Variants in LSAMP observed in about 807,000 individuals in gnomAD.
LSAMP encodes the protein limbic system-associated membrane protein.
LSAMP carries 7 observed loss-of-function variants against 38.6 expected under a neutral mutation model. The observed-to-expected ratio is 0.18, with a 90% confidence interval of 0.10 to 0.34. The LOEUF (loss-of-function observed/expected upper bound fraction) is 0.34, where lower values mean the gene tolerates loss of function less well. LSAMP is among the 10% of genes least tolerant of loss of function. The probability of loss-of-function intolerance (pLI) is 1.00; values close to 1 mark genes in which losing one functional copy is unlikely to be tolerated. For missense variants in LSAMP, 313 were observed against 420.0 expected (o/e 0.75, Z 2.23); for synonymous variants, 154 against 166.8 (o/e 0.92, Z 0.59).
At chr3:116,147,963 T>C (rs982976106) in intron 1 of LSAMP, among the ~76,000 whole-genome samples, 1 of 151,938 alleles carries the variant, frequency 6.6e-6, no homozygotes. Flanking sequence ...AAAACTAATA[T>C]ATACAATTTT....
intron 2 of LSAMP, among the ~76,000 whole-genome samples, chr3:116,046,170 T>C (rs1941284062): frequency 6.6e-6 from 1 of 152,188 alleles, no homozygotes; most frequent in Non-Finnish European, 1.5e-5. Context: ...AGAATTTAAA[T>C]ACACACCAAA....
At chr3:115,900,373 G>A (rs1221627017) in intron 3 of LSAMP, among the ~76,000 whole-genome samples, 2 of 151,952 alleles carry the variant, frequency 1.3e-5, no homozygotes, top group East Asian at 1.9e-4. Flanking sequence ...ATATTAGCTG[G>A]GTGTGGTGGC....
chr3:115,985,157 G>C (rs149177032), intron 3 of LSAMP, among the ~76,000 whole-genome samples: 1 of 152,170 alleles, frequency 6.6e-6, no homozygotes, highest in Non-Finnish European at 1.5e-5. Flanking sequence ...TTGCAAGAAA[G>C]CCTGGAAATA....
intron 1 of LSAMP, among the ~76,000 whole-genome samples, chr3:116,239,249 T>C (rs749428786): frequency 6.6e-6 from 1 of 152,162 alleles, no homozygotes; most frequent in African/African-American, 2.4e-5. Context: ...TGCTGCTGAA[T>C]GGTCAAGTAG....
intron 3 of LSAMP, among the ~76,000 whole-genome samples, chr3:115,999,933 C>T (rs751855760): frequency 2.0e-5 from 3 of 152,132 alleles, no homozygotes; most frequent in Admixed American, 6.6e-5. Flanking sequence ...GAACATGTGG[C>T]GTTCCCCAGT....
At chr3:116,115,233 G>GT (rs1708715005) in intron 1 of LSAMP, among the ~76,000 whole-genome samples, 1 of 152,232 alleles carries the variant, frequency 6.6e-6, no homozygotes, top group African/African-American at 2.4e-5. Context: ...ATAATAAAGG[G>GT]TAAAGGCCAG....
At chr3:115,906,137 G>A (rs903217655) in intron 3 of LSAMP, among the ~76,000 whole-genome samples, 2 of 152,176 alleles carry the variant, frequency 1.3e-5, no homozygotes, top group Non-Finnish European at 2.9e-5. Context: ...TTACCAGCCC[G>A]AGGAATTTCA....
intron 3 of LSAMP, among the ~76,000 whole-genome samples, chr3:115,853,242 CA>C (rs1409770178): frequency 1.3e-5 from 2 of 152,174 alleles, no homozygotes; most frequent in African/African-American, 4.8e-5. Context: ...ATTCTGTTCA[CA>C]AGGATTGTAT....
At chr3:116,333,204 T>C (rs1481775961) in intron 1 of LSAMP, among the ~76,000 whole-genome samples, 2 of 152,094 alleles carry the variant, frequency 1.3e-5, no homozygotes, top group African/African-American at 4.8e-5. Context: ...GGGATATTTT[T>C]AATGATTGAC....
At chr3:116,005,946 G>C (rs1042082660) in intron 3 of LSAMP, among the ~76,000 whole-genome samples, 3 of 152,072 alleles carry the variant, frequency 2.0e-5, no homozygotes, top group African/African-American at 7.2e-5. Flanking sequence ...GTTTAAGAGA[G>C]GATTTACCTC....
intron 1 of LSAMP, among the ~76,000 whole-genome samples, chr3:116,239,402 T>TA (rs77537110): frequency 5.3e-5 from 8 of 151,158 alleles, no homozygotes; most frequent in East Asian, 1.9e-4. Flanking sequence ...AACATATGTT[T>TA]AAAAAAAAAG....
chr3:116,328,628 C>T (rs1489280696), intron 1 of LSAMP, among the ~76,000 whole-genome samples: 2 of 151,960 alleles, frequency 1.3e-5, no homozygotes, highest in Admixed American at 6.6e-5. Flanking sequence ...AGTGGTTAGA[C>T]GCTAATGAGA....
chr3:115,849,530 T>A (rs968556912), intron 4 of LSAMP, among the ~76,000 whole-genome samples: 1 of 152,152 alleles, frequency 6.6e-6, no homozygotes, highest in African/African-American at 2.4e-5. Context: ...CAATAATCTA[T>A]TTGGCCAGTA....
intron 3 of LSAMP, among the ~76,000 whole-genome samples, chr3:115,931,833 A>T (rs565103100): frequency 6.6e-6 from 1 of 152,188 alleles, no homozygotes; most frequent in Non-Finnish European, 1.5e-5. Flanking sequence ...AATGTTGAGT[A>T]ACTGTCTCCA....
rs572290855 is a variant in LSAMP at position 116,314,490 on chromosome 3, G to A, written c.155+130387C>T. Among the ~76,000 whole-genome samples, 6 of 152,224 alleles carry A rather than the reference G, an allele frequency of 3.9e-5. 1 individual carries two copies. The South Asian group carries it at 6.2e-4, about 16-fold the overall frequency. On this transcript the variant is annotated intron_variant, in intron 1 of 6. Transcript: ENST00000490035. ...TCAGTAACGTTAAAAAGAAAATGGC[G>A]TGAGATCTCACAGGAGAATTTACTT...
intron 1 of LSAMP, among the ~76,000 whole-genome samples, chr3:116,306,395 G>A (rs1039723346): frequency 6.6e-6 from 1 of 152,018 alleles, no homozygotes; most frequent in Admixed American, 6.6e-5. Flanking sequence ...TTTTATTCAT[G>A]TCTGTATTCT....
chr3:116,120,581 G>A (rs958468453), intron 1 of LSAMP, among the ~76,000 whole-genome samples: 2 of 152,154 alleles, frequency 1.3e-5, no homozygotes, highest in Non-Finnish European at 2.9e-5. Context: ...AAGCTTCTAG[G>A]GTGTCAAGGT....
chr3:115,818,790 TTATA>T (rs66654115), intron 6 of LSAMP, among the ~76,000 whole-genome samples: 5,462 of 69,690 alleles, frequency 0.078, 549 homozygotes, highest in South Asian at 0.11. Context: ...AGTTGTACTT[TTATA>T]TATATATATA....
At chr3:115,969,116 TC>T (rs1449451855) in intron 3 of LSAMP, among the ~76,000 whole-genome samples, 1 of 152,306 alleles carries the variant, frequency 6.6e-6, no homozygotes, top group East Asian at 1.9e-4. Context: ...AGTGCCTCTT[TC>T]AGTGATATGA....
Sources: allele counts gnomAD v4.1 joint callset (sites outside exome capture counted in the v4.1 genomes callset), GRCh38; gene constraint gnomAD v4.1.1; transcripts MANE v1.5; gene names NCBI Gene and HGNC (gene_info 2026-07-23, HGNC 2026-07-21).